SBF2: variants seen among roughly 807,000 people sequenced by gnomAD.
The protein encoded by SBF2 is myotubularin-related protein 13.
Under a neutral mutation model 225.2 loss-of-function variants are expected in SBF2, and 112 were observed. That is an observed-to-expected ratio of 0.50 (90% CI 0.43 to 0.58). The LOEUF is 0.58. Ranked by LOEUF, SBF2 falls within the 20% of genes least tolerant of loss-of-function variation. The pLI, the probability that SBF2 is intolerant of heterozygous loss-of-function variation, is 0.00. For missense variants in SBF2, 1,996 were observed against 2,206.2 expected (o/e 0.90, Z 1.91); for synonymous variants, 763 against 773.3 (o/e 0.99, Z 0.22).
At chr11:9,841,585 T>G (rs904628011) in intron 25 of SBF2, among the ~76,000 whole-genome samples, 3 of 151,124 alleles carry the variant, frequency 2.0e-5, no homozygotes, top group Admixed American at 1.3e-4. Context: ...CAGGCTGGAG[T>G]GCAGTGGTGC....
intron 6 of SBF2, among the ~76,000 whole-genome samples, chr11:10,019,778 T>G (rs1948780484): frequency 6.6e-6 from 1 of 152,184 alleles, no homozygotes; most frequent in Non-Finnish European, 1.5e-5. Flanking sequence ...AGGCCCTAGA[T>G]GCTGATCATT....
chr11:10,213,009 A>G (rs1425784940), intron 1 of SBF2, among the ~76,000 whole-genome samples: 1 of 151,794 alleles, frequency 6.6e-6, no homozygotes, highest in East Asian at 1.9e-4. Flanking sequence ...AGATCTCACC[A>G]CTGCACTTCA....
chr11:9,966,829 G>T (rs1163588312), intron 14 of SBF2, among the ~76,000 whole-genome samples: 1 of 152,152 alleles, frequency 6.6e-6, no homozygotes, highest in Non-Finnish European at 1.5e-5. Flanking sequence ...TGGCACGACC[G>T]CTTTGGAAAA....
At chr11:9,956,111 T>C (rs1002848885) in intron 16 of SBF2, among the ~76,000 whole-genome samples, 52 of 152,332 alleles carry the variant, frequency 3.4e-4, no homozygotes, top group South Asian at 2.3e-3. Flanking sequence ...AGTTCATTTA[T>C]TTTCTCTGAT....
chr11:10,139,144 G>A (rs1357239717), intron 2 of SBF2, among the ~76,000 whole-genome samples: 4 of 152,132 alleles, frequency 2.6e-5, no homozygotes, highest in South Asian at 2.1e-4. Context: ...GAAGGAGTGT[G>A]TATTATTTTT....
chr11:10,073,732 C>CA lies in SBF2; in HGVS notation c.142-30752dup, dbSNP rs200410252. Among the ~76,000 whole-genome samples the CA allele has an allele frequency of 3.1e-4, 47 of 149,814 alleles. No individual in the cohort carries two copies. In the South Asian group the frequency reaches 4.0e-3, roughly 13 times the overall value. On this transcript the variant is annotated intron_variant, in intron 2 of 39. Coordinates refer to ENST00000256190, the MANE Select transcript of SBF2 (RefSeq NM_030962.4). The stretch of plus-strand genomic sequence containing the variant: ...AGAGTGCGGCTCCAACTCAAAAAAA[C>CA]AAAAAAAAAGATTTAGGAGACCTAT...
At chr11:10,297,251 T>C (rs1964557422), upstream of SBF2, among the ~76,000 whole-genome samples, 1 of 151,974 alleles carries the variant, frequency 6.6e-6, no homozygotes, top group East Asian at 1.9e-4. Context: ...GTAGAGATGT[T>C]GTATCATGAT....
At chr11:9,891,114 C>T (rs982890819) in intron 17 of SBF2, among the ~76,000 whole-genome samples, 3 of 148,840 alleles carry the variant, frequency 2.0e-5, no homozygotes, top group Middle Eastern at 3.5e-3. Context: ...CCAGCCTGGG[C>T]GAAAAGAGCA....
chr11:9,830,987 A>G, intron 27 of SBF2, among the ~76,000 whole-genome samples: 1 of 151,920 alleles, frequency 6.6e-6, no homozygotes, highest in East Asian at 1.9e-4. Context: ...CTTGTGTTCT[A>G]TTTTACTATT....
intron 2 of SBF2, among the ~76,000 whole-genome samples, chr11:10,155,375 T>A (rs374589499): frequency 7.8e-4 from 115 of 147,056 alleles, no homozygotes; most frequent in African/African-American, 2.7e-3. Context: ...CTGTTGACAG[T>A]TATATTAGAA....
At chr11:10,173,078 C>A (rs142254229) in intron 2 of SBF2, among the ~76,000 whole-genome samples, 20 of 152,230 alleles carry the variant, frequency 1.3e-4, no homozygotes, top group African/African-American at 4.6e-4. Context: ...ATGTCTAGTT[C>A]TATTCTATTG....
intron 23 of SBF2, 117 bp from the exon 24 acceptor site, chr11:9,845,857 G>A (rs1234547783): frequency 1.1e-6 from 1 of 892,522 alleles, no homozygotes; most frequent in Non-Finnish European, 1.8e-6. Context: ...AGGGACTTTG[G>A]ATAACATGCA....
At chr11:9,870,542 A>G (rs1274140430) in intron 17 of SBF2, among the ~76,000 whole-genome samples, 1 of 152,228 alleles carries the variant, frequency 6.6e-6, no homozygotes. Flanking sequence ...GAACTCAGAA[A>G]TAAGACCACA....
At chr11:10,125,127 AT>A (rs371653455) in intron 2 of SBF2, among the ~76,000 whole-genome samples, 9,869 of 148,320 alleles carry the variant, frequency 0.067, 503 homozygotes, top group East Asian at 0.26. Flanking sequence ...AAAAAAAAAA[AT>A]TCTACTTAGA....
chr11:10,079,268 GA>G (rs1951259825), intron 2 of SBF2, among the ~76,000 whole-genome samples: 1 of 152,054 alleles, frequency 6.6e-6, no homozygotes, highest in Non-Finnish European at 1.5e-5. Context: ...CTAATGCAAA[GA>G]AATTAGAAAA....
In SBF2 at chr11:9,790,549, ACTCTAC is replaced by A; in HGVS notation, c.4698+1_4698+6del. 6.3e-7 allele frequency: 1 copy of A among 1,579,398 alleles called. No homozygotes were observed. Among genetic ancestry groups the A allele is most frequent in the Non-Finnish European group, 8.7e-7 (1 of 1,153,602 alleles). On this transcript the variant is annotated splice_donor_variant and splice_donor_5th_base_variant and intron_variant, in intron 34 of 39. Coordinates refer to ENST00000256190, the MANE Select transcript of SBF2 (RefSeq NM_030962.4). LOFTEE classifies it high-confidence loss of function. ...GAAAGTGAAACATAAATGATTTCTT[ACTCTAC>A]CTCTATTTCCAATGGTGAATATAAA...
intron 16 of SBF2, among the ~76,000 whole-genome samples, chr11:9,925,248 T>C (rs928267360): frequency 6.6e-6 from 1 of 152,046 alleles, no homozygotes; most frequent in African/African-American, 2.4e-5. Context: ...TAAAATATGA[T>C]AGTTCAACCT....
chr11:9,962,454 T>G (rs1487152588), intron 15 of SBF2, among the ~76,000 whole-genome samples: 1 of 152,190 alleles, frequency 6.6e-6, no homozygotes, highest in Non-Finnish European at 1.5e-5. Context: ...TTTCTATAAC[T>G]AGTAAATTTT....
chr11:9,786,343 T>C (rs1399992109), intron 36 of SBF2, among the ~76,000 whole-genome samples: 1 of 152,224 alleles, frequency 6.6e-6, no homozygotes, highest in African/African-American at 2.4e-5. Context: ...TCATCTTTTA[T>C]AACTTTCTGT....
Sources: gnomAD v4.1 joint callset for allele counts (sites outside exome capture counted in the v4.1 genomes callset) on GRCh38, gnomAD v4.1.1 for gene constraint, MANE v1.5 for transcripts, NCBI Gene and HGNC (gene_info 2026-07-23, HGNC 2026-07-21) for gene names.